The following RTN4 variants were observed in gnomAD, a reference collection of about 807,000 sequenced individuals.
The protein encoded by RTN4 is reticulon-4.
Under a neutral mutation model 90.4 loss-of-function variants are expected in RTN4, and 32 were observed. That is an observed-to-expected ratio of 0.35 (90% CI 0.27 to 0.48). The LOEUF is 0.48. RTN4 is among the 20% of genes least tolerant of loss of function. The pLI is 0.99. For missense variants in RTN4, 1,706 were observed against 1,430.2 expected, an observed-to-expected ratio of 1.19 and a Z score of -3.11; for synonymous variants, 629 against 552.5, an observed-to-expected ratio of 1.14 and a Z score of -1.94.
intron 2 of RTN4, among the ~76,000 whole-genome samples, chr2:55,059,514 T>A (rs1385668908): frequency 6.6e-6 from 1 of 152,024 alleles, no homozygotes; most frequent in Non-Finnish European, 1.5e-5. Flanking sequence ...CCACCACACC[T>A]GGCTAATTTT....
chr2:55,087,306 G>T (rs1668858509), intron 1 of RTN4, among the ~76,000 whole-genome samples: 1 of 152,152 alleles, frequency 6.6e-6, no homozygotes, highest in South Asian at 2.1e-4. Flanking sequence ...CTTCCTAAGT[G>T]GTTGTGCTAA....
intron 2 of RTN4, among the ~76,000 whole-genome samples, chr2:55,069,772 T>C (rs1668453915): frequency 6.6e-6 from 1 of 152,198 alleles, no homozygotes; most frequent in African/African-American, 2.4e-5. Context: ...GTCCACGAAG[T>C]TCAGTGTTTT....
chr2:55,013,398 C>A (rs1680786757), intron 3 of RTN4, among the ~76,000 whole-genome samples: 1 of 152,056 alleles, frequency 6.6e-6, no homozygotes, highest in Admixed American at 6.6e-5. Flanking sequence ...TAATGTCTTT[C>A]CTTTGCATCT....
chr2:55,010,518 GT>G (rs201183683), intron 3 of RTN4: 7 of 226,902 alleles, frequency 3.1e-5, no homozygotes, highest in Admixed American at 6.3e-5. Context: ...GCCATATGCA[GT>G]TTTTTTTTCT....
chr2:54,988,869 G>A (rs566509337), intron 3 of RTN4, among the ~76,000 whole-genome samples: 5 of 152,154 alleles, frequency 3.3e-5, no homozygotes, highest in Admixed American at 2.0e-4. Context: ...TCTCAAAATC[G>A]GGTTATGCTC....
At position 55,025,980 on chromosome 2, in the gene RTN4, G is replaced by C; in HGVS notation, c.2119C>G (p.Leu707Val). The change falls in exon 3 of 9, where the codon CTT (leucine) becomes GTT (valine). Residue 707 changes from leucine (L) to valine (V), a missense_variant. Leu to Val is a conservative substitution (Grantham distance 32, BLOSUM62 1). Transcript: ENST00000337526. ...AAATCCGGAGCTGGTTCAGCAGAAA[G>C]CTTTGTTTCTTTAATTAAATCACAT... The part of the protein sequence containing the change: ...IACDLIKETK[L>V]SAEPAPDFSD... 6.2e-7 allele frequency: 1 copy of C among 1,612,750 alleles called. No individual in the cohort carries two copies. The highest frequency in any genetic ancestry group is 8.5e-7 in the Non-Finnish European group (1 of 1,179,798).
chr2:55,012,903 T>G (rs896858447), intron 3 of RTN4, among the ~76,000 whole-genome samples: 4 of 152,174 alleles, frequency 2.6e-5, no homozygotes, highest in African/African-American at 9.7e-5. Flanking sequence ...AACCCCAACT[T>G]AACAAGTCAA....
chr2:54,973,272 T>C (rs538778569), intron 8 of RTN4, 74 bp from the exon 9 acceptor site: 63 of 1,247,546 alleles, frequency 5.0e-5, no homozygotes, highest in Admixed American at 7.5e-5. Flanking sequence ...CAAGAACTAC[T>C]TGTATGTTAT....
chr2:55,044,008 C>A (rs745408291), intron 1 of RTN4, among the ~76,000 whole-genome samples: 17 of 152,008 alleles, frequency 1.1e-4, no homozygotes, highest in Non-Finnish European at 2.1e-4. Flanking sequence ...CCAGCCTGGG[C>A]AACATGGCGA....
chr2:55,064,871 C>T (rs1385212517), intron 2 of RTN4, among the ~76,000 whole-genome samples: 2 of 151,918 alleles, frequency 1.3e-5, no homozygotes, highest in Admixed American at 6.6e-5. Flanking sequence ...TGAATTTTTC[C>T]CTAACATAAC....
intron 1 of RTN4, among the ~76,000 whole-genome samples, chr2:55,083,248 C>A (rs1459183738): frequency 2.0e-5 from 3 of 152,198 alleles, no homozygotes; most frequent in Non-Finnish European, 2.9e-5. Context: ...GTAATCCCTG[C>A]ACTTTGGAAG....
chr2:55,107,403 CAAAAAAAAAAAA>C (rs35664699), intron 1 of RTN4, among the ~76,000 whole-genome samples: 1 of 101,234 alleles, frequency 9.9e-6, no homozygotes, highest in Non-Finnish European at 1.9e-5. Context: ...GACTGAACCT[CAAAAAAAAAAAA>C]AAAAAAAAGG....
intron 4 of RTN4, among the ~76,000 whole-genome samples, chr2:54,983,346 AAT>A: frequency 6.6e-6 from 1 of 151,720 alleles, no homozygotes. Flanking sequence ...TAAATAAATA[AAT>A]AAATAAAAAT....
At chr2:55,039,974 A>C (rs1682962354) in intron 1 of RTN4, among the ~76,000 whole-genome samples, 1 of 152,200 alleles carries the variant, frequency 6.6e-6, no homozygotes, top group Non-Finnish European at 1.5e-5. Context: ...TTAATAAGGG[A>C]ACAAGAGTAA....
chr2:55,061,017 T>C (rs1391206790), intron 2 of RTN4, among the ~76,000 whole-genome samples: 1 of 152,004 alleles, frequency 6.6e-6, no homozygotes, highest in Non-Finnish European at 1.5e-5. Flanking sequence ...ATAACAGTCA[T>C]CATGACATTC....
At chr2:55,036,556 C>G (rs373498455) in intron 1 of RTN4, among the ~76,000 whole-genome samples, 2 of 127,566 alleles carry the variant, frequency 1.6e-5, no homozygotes, top group Non-Finnish European at 3.1e-5. Flanking sequence ...GAGCCAATAT[C>G]GTGCCACTGC....
intron 5 of RTN4, among the ~76,000 whole-genome samples, chr2:54,977,417 T>C (rs1573267789): frequency 6.6e-6 from 1 of 151,740 alleles, no homozygotes; most frequent in Non-Finnish European, 1.5e-5. Flanking sequence ...TTTTTTTTTT[T>C]TTCTTCCTCT....
intron 1 of RTN4, among the ~76,000 whole-genome samples, chr2:55,039,185 C>T (rs1004218025): frequency 1.1e-4 from 17 of 152,120 alleles, no homozygotes; most frequent in Admixed American, 1.1e-3. Flanking sequence ...TATATCTTGT[C>T]AGAGGTGTGG....
intron 3 of RTN4, among the ~76,000 whole-genome samples, chr2:55,014,859 C>A (rs747313140): frequency 6.6e-6 from 1 of 152,026 alleles, no homozygotes; most frequent in South Asian, 2.1e-4. Flanking sequence ...TTAATAGTCA[C>A]TAGGCCCTAA....
Sources: allele counts gnomAD v4.1 joint callset (sites outside exome capture counted in the v4.1 genomes callset), GRCh38; gene constraint gnomAD v4.1.1; transcripts MANE v1.5; gene names NCBI Gene and HGNC (gene_info 2026-07-23, HGNC 2026-07-21).